Variants in CDH18 observed in about 807,000 individuals in gnomAD.
CDH18 encodes the protein cadherin-18.
In CDH18, 31 loss-of-function variants were observed where a neutral mutation model predicts 67.9. The observed-to-expected ratio is 0.46, with a 90% confidence interval of 0.34 to 0.62. CDH18 has a LOEUF of 0.62. Among genes scored for constraint, CDH18 ranks in the 20% least tolerant of loss-of-function variants. CDH18 has a pLI of 0.01. For synonymous variants in CDH18, 362 were observed against 347.2 expected, an observed-to-expected ratio of 1.04 and a Z score of -0.48; for missense variants, 890 against 975.5, an observed-to-expected ratio of 0.91 and a Z score of 1.17.
intron 3 of CDH18, among the ~76,000 whole-genome samples, chr5:19,803,460 A>G (rs1777676603): frequency 6.6e-6 from 1 of 152,192 alleles, no homozygotes; most frequent in Non-Finnish European, 1.5e-5. Flanking sequence ...CACTAGCCAC[A>G]TTTGAAATGT....
intron 2 of CDH18, among the ~76,000 whole-genome samples, chr5:19,899,664 CTATT>C (rs1377112815): frequency 6.6e-6 from 1 of 152,022 alleles, no homozygotes. Flanking sequence ...CATTGCAGCA[CTATT>C]TATAATAGCC....
intron 11 of CDH18, among the ~76,000 whole-genome samples, chr5:19,492,690 C>T (rs916751627): frequency 2.0e-5 from 3 of 151,544 alleles, no homozygotes; most frequent in Non-Finnish European, 4.4e-5. Flanking sequence ...TATTAATTAA[C>T]GATAAAAATA....
intron 2 of CDH18, among the ~76,000 whole-genome samples, chr5:20,216,089 A>G (rs1282012078): frequency 6.6e-6 from 1 of 151,984 alleles, no homozygotes; most frequent in Non-Finnish European, 1.5e-5. Flanking sequence ...CTGTTTGACA[A>G]TATAACAAGC....
intron 2 of CDH18, among the ~76,000 whole-genome samples, chr5:20,133,263 T>A (rs769134521): frequency 6.6e-6 from 1 of 152,204 alleles, no homozygotes; most frequent in Non-Finnish European, 1.5e-5. Flanking sequence ...CAGTTCCACA[T>A]GGTTGGGGAG....
At chr5:19,640,598 G>A (rs543401958) in intron 5 of CDH18, among the ~76,000 whole-genome samples, 8 of 151,808 alleles carry the variant, frequency 5.3e-5, no homozygotes, top group Admixed American at 3.3e-4. Flanking sequence ...ACAACTATTC[G>A]GTTAAAATGA....
intron 1 of CDH18, among the ~76,000 whole-genome samples, chr5:20,431,504 A>AAAAGAAG (rs536468948): frequency 0.01 from 1,437 of 138,578 alleles, 17 homozygotes; most frequent in Non-Finnish European, 0.014. Context: ...AAAAAAAAAA[A>AAAAGAAG]AAGAAGAAGA....
chr5:19,649,223 T>TA (rs1467508163), intron 5 of CDH18, among the ~76,000 whole-genome samples: 1 of 152,144 alleles, frequency 6.6e-6, no homozygotes, highest in African/African-American at 2.4e-5. Context: ...AGAACAGAAA[T>TA]AGTCTTTGAA....
intron 2 of CDH18, among the ~76,000 whole-genome samples, chr5:20,237,079 G>C (rs1176096212): frequency 2.0e-5 from 3 of 151,790 alleles, no homozygotes; most frequent in Admixed American, 1.3e-4. Context: ...AACTACTAAA[G>C]CTCAATATAG....
At chr5:19,545,890 T>C (rs895752449) in intron 8 of CDH18, among the ~76,000 whole-genome samples, 1 of 152,182 alleles carries the variant, frequency 6.6e-6, no homozygotes, top group Non-Finnish European at 1.5e-5. Flanking sequence ...GTAATGGGAA[T>C]GGTATAATCT....
intron 1 of CDH18, among the ~76,000 whole-genome samples, chr5:20,566,808 A>AG (rs1758541115): frequency 6.6e-6 from 1 of 152,158 alleles, no homozygotes; most frequent in Non-Finnish European, 1.5e-5. Context: ...CACCATTACG[A>AG]ACAAAGAGTG....
chr5:19,646,381 C>T (rs1754743949), intron 5 of CDH18, among the ~76,000 whole-genome samples: 1 of 152,094 alleles, frequency 6.6e-6, no homozygotes, highest in Non-Finnish European at 1.5e-5. Context: ...ACTCTGTCAC[C>T]CAGGCTGGAG....
chr5:19,565,957 T>A (rs1199944686), intron 8 of CDH18, among the ~76,000 whole-genome samples: 1 of 152,114 alleles, frequency 6.6e-6, no homozygotes, highest in Admixed American at 6.5e-5. Context: ...AGAAAATATT[T>A]TCAGATTATC....
intron 3 of CDH18, among the ~76,000 whole-genome samples, chr5:19,796,813 T>C (rs2149832834): frequency 6.6e-6 from 1 of 152,084 alleles, no homozygotes; most frequent in East Asian, 1.9e-4. Flanking sequence ...TTCAAAATGG[T>C]AAAATGTTGA....
At chr5:19,541,375 TC>T (rs1438736424) in intron 9 of CDH18, among the ~76,000 whole-genome samples, 1 of 152,118 alleles carries the variant, frequency 6.6e-6, no homozygotes, top group African/African-American at 2.4e-5. Flanking sequence ...TTCTGAGCCC[TC>T]CAAACTGTTT....
At chr5:19,538,719 C>G (rs1180847222) in intron 9 of CDH18, among the ~76,000 whole-genome samples, 1 of 151,948 alleles carries the variant, frequency 6.6e-6, no homozygotes, top group African/African-American at 2.4e-5. Context: ...GAAACAAGGC[C>G]TACTCACAAG....
intron 9 of CDH18, among the ~76,000 whole-genome samples, chr5:19,531,459 G>A (rs889211960): frequency 8.5e-5 from 13 of 152,062 alleles, no homozygotes; most frequent in Admixed American, 2.0e-4. Flanking sequence ...CAACACATGC[G>A]GAAGACGTGA....
chr5:19,678,089 T>C (rs1759751404), intron 5 of CDH18, among the ~76,000 whole-genome samples: 1 of 151,916 alleles, frequency 6.6e-6, no homozygotes, highest in South Asian at 2.1e-4. Context: ...TTAACAAAGA[T>C]ATTTGAGATC....
chr5:20,436,360 A>C (rs1271086076), intron 1 of CDH18, among the ~76,000 whole-genome samples: 1 of 151,922 alleles, frequency 6.6e-6, no homozygotes, highest in Non-Finnish European at 1.5e-5. Flanking sequence ...ATTGAAATTG[A>C]ACTCAGACTT....
At chr5:20,555,054 C>A in intron 1 of CDH18, among the ~76,000 whole-genome samples, 3 of 152,212 alleles carry the variant, frequency 2.0e-5, no homozygotes, top group Middle Eastern at 6.8e-3. Context: ...GTTGCCGTAA[C>A]CCCCAGTGTT....
Sources: gnomAD v4.1 joint callset for allele counts (sites outside exome capture counted in the v4.1 genomes callset) on GRCh38, gnomAD v4.1.1 for gene constraint, MANE v1.5 for transcripts, NCBI Gene and HGNC (gene_info 2026-07-23, HGNC 2026-07-21) for gene names.